The following PDE1A variants were observed in gnomAD, a reference collection of about 807,000 sequenced individuals.
PDE1A encodes phosphodiesterase 1A.
In PDE1A, 35 loss-of-function variants were observed where a neutral mutation model predicts 61.7. The observed-to-expected ratio is 0.57, with a 90% CI of 0.43 to 0.75. The LOEUF is 0.75. Ranked by LOEUF, PDE1A falls within the 30% of genes least tolerant of loss-of-function variation. The probability of loss-of-function intolerance (pLI) is 0.00; values close to 1 mark genes in which losing one functional copy is unlikely to be tolerated. For missense variants in PDE1A, 597 were observed against 630.6 expected, an observed-to-expected ratio of 0.95 and a Z score of 0.57; for synonymous variants, 232 against 213.2, an observed-to-expected ratio of 1.09 and a Z score of -0.77.
intron 1 of PDE1A, among the ~76,000 whole-genome samples, chr2:182,375,422 G>A (rs1263538287): frequency 6.6e-6 from 1 of 152,162 alleles, no homozygotes; most frequent in African/African-American, 2.4e-5. Flanking sequence ...AAATCTTCCA[G>A]GACAGTCAAA....
intron 1 of PDE1A, among the ~76,000 whole-genome samples, chr2:182,331,075 A>G (rs898860046): frequency 1.3e-5 from 2 of 152,146 alleles, no homozygotes; most frequent in Non-Finnish European, 2.9e-5. Context: ...TCTTTGAAGC[A>G]TATCTATTTA....
chr2:182,240,022 AAT>A, intron 3 of PDE1A, 86 bp downstream of exon 3: 3 of 1,179,664 alleles, frequency 2.5e-6, no homozygotes, highest in Non-Finnish European at 3.6e-6. Flanking sequence ...CAATAAGTGA[AAT>A]ATAGACTGCT....
chr2:182,369,212 C>T (rs1700000032), intron 1 of PDE1A, among the ~76,000 whole-genome samples: 1 of 152,156 alleles, frequency 6.6e-6, no homozygotes, highest in African/African-American at 2.4e-5. Context: ...CCAAAAGTCA[C>T]CTAACAAGCA....
the PDE1A span, among the ~76,000 whole-genome samples, chr2:182,695,558 T>C: frequency 2.0e-5 from 3 of 150,648 alleles, no homozygotes; most frequent in African/African-American, 7.3e-5. Context: ...TCCCAGCTAC[T>C]TGGGAGGCTG....
At position 182,283,056 on chromosome 2, in the gene PDE1A, CT is replaced by C. The variant is rs542481315; in HGVS notation, c.54-18643del. On this transcript the variant is annotated intron_variant, in intron 1 of 13. Transcript: ENST00000351439. The stretch of plus-strand genomic sequence containing the variant: ...TATGGGTAGTAAATTTAGTAAATAC[CT>C]TAGGTGTTAATCAATACTAATAAGC... Among the ~76,000 whole-genome samples the C allele has an allele frequency of 4.0e-5, 6 of 151,852 alleles. No homozygotes were observed. The East Asian group carries it at 1.2e-3, about 30-fold the overall frequency.
At chr2:182,619,739 G>C in the PDE1A span, among the ~76,000 whole-genome samples, 2 of 152,078 alleles carry the variant, frequency 1.3e-5, no homozygotes, top group Non-Finnish European at 2.9e-5. Context: ...AGTTTTCATG[G>C]TGTCAGTCTG....
chr2:182,514,034 A>C (rs1373163787), intron 2 of PDE1A, among the ~76,000 whole-genome samples: 1 of 152,338 alleles, frequency 6.6e-6, no homozygotes, highest in East Asian at 1.9e-4. Flanking sequence ...ATACACCAGT[A>C]ACATCCAAGC....
chr2:182,440,502 T>C (rs1684719284), intron 2 of PDE1A, among the ~76,000 whole-genome samples: 1 of 152,068 alleles, frequency 6.6e-6, no homozygotes, highest in Admixed American at 6.6e-5. Context: ...CATCATATAC[T>C]TCCACTCAAC....
In PDE1A at chr2:182,466,588, T is replaced by C. The variant is rs1574727925; in HGVS notation, c.101+55688A>G. Among the ~76,000 whole-genome samples the C allele has an allele frequency of 2.0e-5, 3 of 151,882 alleles. 1 individual carries two copies. Among genetic ancestry groups the C allele is most frequent in the Admixed American group, 2.0e-4 (3 of 15,226 alleles). Reference sequence around the variant, plus strand: ...AGAGGTGAGGATGGAAACAGTGAAATAGAACATTGGAAAGTTGGGAAGACC... The same window carrying C: ...AGAGGTGAGGATGGAAACAGTGAAACAGAACATTGGAAAGTTGGGAAGACC... On this transcript the variant is annotated intron_variant, in intron 2 of 14. Coordinates refer to the PDE1A transcript ENST00000410103.
the PDE1A span, among the ~76,000 whole-genome samples, chr2:182,699,959 G>A: frequency 6.6e-6 from 1 of 152,140 alleles, no homozygotes; most frequent in Non-Finnish European, 1.5e-5. Flanking sequence ...TTGACCATGA[G>A]GCTCAGCTGG....
chr2:182,147,201 G>A, intron 13 of PDE1A, 49 bp from the exon 14 acceptor site: 1 of 1,099,008 alleles, frequency 9.1e-7, no homozygotes, highest in Non-Finnish European at 1.4e-6. Flanking sequence ...TAAGGCTTTG[G>A]AAAAAACTAA....
At chr2:182,316,554 G>C (rs1047314907) in intron 1 of PDE1A, among the ~76,000 whole-genome samples, 2 of 152,082 alleles carry the variant, frequency 1.3e-5, no homozygotes, top group African/African-American at 4.8e-5. Flanking sequence ...TGCAATGTCA[G>C]TTTTGTTAAT....
At chr2:182,206,709 G>A (rs531943807) in intron 7 of PDE1A, among the ~76,000 whole-genome samples, 1 of 152,254 alleles carries the variant, frequency 6.6e-6, no homozygotes, top group South Asian at 2.1e-4. Context: ...ATGTTGAATT[G>A]TAATCTCCAG....
intron 1 of PDE1A, among the ~76,000 whole-genome samples, chr2:182,409,717 T>C (rs1422118314): frequency 1.3e-5 from 2 of 152,166 alleles, no homozygotes; most frequent in Non-Finnish European, 2.9e-5. Flanking sequence ...GAAGCCAAAA[T>C]GTCTTTTTAT....
chr2:182,366,365 G>A (rs193042669), intron 1 of PDE1A, among the ~76,000 whole-genome samples: 1 of 151,812 alleles, frequency 6.6e-6, no homozygotes, highest in African/African-American at 2.4e-5. Flanking sequence ...TACCTTTATG[G>A]GTGAGGTGAC....
chr2:182,152,869 C>T (rs560482691), intron 13 of PDE1A, among the ~76,000 whole-genome samples: 5 of 152,186 alleles, frequency 3.3e-5, no homozygotes, highest in South Asian at 4.1e-4. Context: ...CAAAATTCCA[C>T]TTAATTCCAA....
chr2:182,352,078 G>A (rs559299105), intron 1 of PDE1A, among the ~76,000 whole-genome samples: 14 of 152,292 alleles, frequency 9.2e-5, no homozygotes, highest in Admixed American at 5.2e-4. Flanking sequence ...TGCCGTGTGT[G>A]CACCAAGACT....
chr2:182,280,713 TC>T, intron 1 of PDE1A, among the ~76,000 whole-genome samples: 1 of 151,958 alleles, frequency 6.6e-6, no homozygotes, highest in East Asian at 1.9e-4. Flanking sequence ...TCTCTTTTTT[TC>T]CTCTTTGATT....
At chr2:182,519,172 C>A (rs900896271) in intron 2 of PDE1A, among the ~76,000 whole-genome samples, 1 of 152,022 alleles carries the variant, frequency 6.6e-6, no homozygotes, top group Non-Finnish European at 1.5e-5. Context: ...GTCTAGGTCC[C>A]AAATTCATAA....
Sources: allele counts gnomAD v4.1 joint callset (sites outside exome capture counted in the v4.1 genomes callset), GRCh38; gene constraint gnomAD v4.1.1; transcripts MANE v1.5; gene names NCBI Gene and HGNC (gene_info 2026-07-23, HGNC 2026-07-21).